The following GALNT16 variants were observed in gnomAD, a reference collection of about 807,000 sequenced individuals.
GALNT16 encodes the protein polypeptide N-acetylgalactosaminyltransferase 16.
GALNT16 carries 40 observed loss-of-function variants against 76.1 expected under a neutral mutation model. That is an observed-to-expected ratio of 0.53 (90% CI 0.41 to 0.68). GALNT16 has a LOEUF of 0.68. GALNT16 is among the 30% of genes least tolerant of loss of function. GALNT16 has a pLI of 0.00. For missense variants in GALNT16, 621 were observed against 731.9 expected (o/e 0.85, Z 1.75); for synonymous variants, 276 against 285.2 (o/e 0.97, Z 0.32).
chr14:69,360,784 C>G (rs1453849311), downstream of GALNT16, among the ~76,000 whole-genome samples: 1 of 152,256 alleles, frequency 6.6e-6, no homozygotes, highest in African/African-American at 2.4e-5. Context: ...CTGAGTTTAA[C>G]AAGCCTCTTG....
rs527823622 is a variant in GALNT16 at position 69,289,279 on chromosome 14, C to T, written c.177+28812C>T. 4.5e-4 allele frequency among the ~76,000 whole-genome samples: 68 copies of T among 152,268 alleles called. No individual in the cohort carries two copies. The South Asian group carries it at 0.013, about 30-fold the overall frequency. Reference sequence around the variant, plus strand: ...AGTCCATGTGGAAGTCATTATGTAACACTTGAACTTGTATGAGGCCCAGTG... The same window carrying T: ...AGTCCATGTGGAAGTCATTATGTAATACTTGAACTTGTATGAGGCCCAGTG... On this transcript the variant is annotated intron_variant, in intron 1 of 14. Transcript: ENST00000448469.
chr14:69,329,342 G>A (rs2045324756), intron 6 of GALNT16, among the ~76,000 whole-genome samples: 1 of 152,132 alleles, frequency 6.6e-6, no homozygotes, highest in African/African-American at 2.4e-5. Context: ...GGGCAACTGA[G>A]CGAGACTCCA....
At chr14:69,336,707 A>T (rs2045419355) in intron 9 of GALNT16, among the ~76,000 whole-genome samples, 1 of 149,422 alleles carries the variant, frequency 6.7e-6, no homozygotes, top group African/African-American at 2.5e-5. Context: ...TTTATTTTTT[A>T]TTTTTATTTT....
In GALNT16 at chr14:69,331,523, C is replaced by CCT; in HGVS notation, c.751_752dup (p.Ala252LeufsTer28). On this transcript the variant is annotated frameshift_variant, in exon 7 of 15. Coordinates refer to ENST00000448469, the MANE Select transcript of GALNT16 (RefSeq NM_001168368.2). LOFTEE classifies it high-confidence loss of function. ...TCATCAGTCTGGATAATTTTGCCTA[C>CCT]CTTGCAGCATCTGCTGACCTTCGTG... is the stretch of plus-strand genomic sequence containing the variant. 6.2e-7 allele frequency: 1 copy of CCT among 1,608,580 alleles called. No individual in the cohort carries two copies. The highest frequency in any genetic ancestry group is 8.5e-7 in the Non-Finnish European group (1 of 1,174,880).
the GALNT16 span, among the ~76,000 whole-genome samples, chr14:69,374,498 T>C: frequency 6.6e-6 from 1 of 152,172 alleles, no homozygotes; most frequent in Admixed American, 6.5e-5. Flanking sequence ...AAGCAGTATG[T>C]GTAGGATGTC....
chr14:69,260,267 A>G lies in GALNT16; in HGVS notation c.-24A>G. Reference sequence around the variant, plus strand: ...CGAGAGCACGCCGGCCCAGTCCCCCACCTGGGGCGCCCGTCTGCCCACCAT... The same window carrying G: ...CGAGAGCACGCCGGCCCAGTCCCCCGCCTGGGGCGCCCGTCTGCCCACCAT... On this transcript the variant is annotated 5_prime_UTR_variant, in exon 1 of 15. Transcript: ENST00000448469. 1.2e-6 allele frequency: 2 copies of G among 1,606,578 alleles called. No homozygotes were observed. The highest frequency in any genetic ancestry group is 1.7e-6 in the Non-Finnish European group (2 of 1,175,864).
intron 5 of GALNT16, 152 bp downstream of exon 5, chr14:69,326,179 C>T (rs1482245718): frequency 2.9e-6 from 2 of 692,598 alleles, no homozygotes; most frequent in Non-Finnish European, 5.2e-6. Context: ...AGACTCTCCT[C>T]CTTCCCAGAT....
intron 12 of GALNT16, among the ~76,000 whole-genome samples, chr14:69,343,836 A>T (rs751715631): frequency 6.6e-6 from 1 of 152,208 alleles, no homozygotes; most frequent in Non-Finnish European, 1.5e-5. Context: ...TCTCATAACT[A>T]TCAGAAACCT....
chr14:69,316,311 A>G (rs1184421540), intron 1 of GALNT16, among the ~76,000 whole-genome samples: 1 of 152,162 alleles, frequency 6.6e-6, no homozygotes, highest in African/African-American at 2.4e-5. Context: ...TTCAGTAGCT[A>G]TTGTTTTTGA....
At chr14:69,298,950 A>C (rs991118813) in intron 1 of GALNT16, among the ~76,000 whole-genome samples, 3 of 152,256 alleles carry the variant, frequency 2.0e-5, no homozygotes, top group African/African-American at 7.2e-5. Context: ...CCCAAGGCCG[A>C]GGCCTTGCAC....
chr14:69,361,202 A>G (rs1263188117), downstream of GALNT16, among the ~76,000 whole-genome samples: 1 of 152,228 alleles, frequency 6.6e-6, no homozygotes, highest in Non-Finnish European at 1.5e-5. Flanking sequence ...CGTGAGTTAC[A>G]TGGCAAAGCC....
rs1160588355 is a variant in GALNT16, at chr14:69,341,711, G to T, written c.1218G>T (p.Lys406Asn). The T allele has an allele frequency of 6.2e-7, 1 of 1,613,244 alleles. No homozygotes were observed. Among genetic ancestry groups the T allele is most frequent in the Non-Finnish European group, 8.5e-7 (1 of 1,179,474 alleles). ...SVATRIEQRK[K>N]MNCKSFRWYL... is the part of the protein sequence containing the mutation. ...CTACGCGGATAGAGCAGAGGAAGAA[G>T]ATGAACTGCAAGTCCTTCCGCTGGT... The change falls in exon 12 of 15, where the codon AAG (lysine) becomes AAT (asparagine). Residue 406 changes from lysine (K) to asparagine (N), a missense_variant. Transcript: ENST00000448469.
Position 69,261,620 on chromosome 14 carries a change from A to G in GALNT16, c.177+1153A>G, listed in dbSNP as rs2044274597. Among the ~76,000 whole-genome samples, 1 of 151,990 alleles carries G rather than the reference A, an allele frequency of 6.6e-6. No individual in the cohort carries two copies. The highest frequency in any genetic ancestry group is 6.6e-5 in the Admixed American group (1 of 15,264). The stretch of plus-strand genomic sequence containing the variant: ...TGAGGAGATCCGCGGGGGAGGTGCA[A>G]GGTCCGGAGGGCTGAGGCTTGTGTG... On this transcript the variant is annotated intron_variant, in intron 1 of 14. Coordinates refer to ENST00000448469, the MANE Select transcript of GALNT16 (RefSeq NM_001168368.2). The surrounding 1 kb of genome is among the most constrained non-coding windows in gnomAD (Gnocchi z 6.4).
At position 69,269,810 on chromosome 14, in the gene GALNT16, T is replaced by TGTGTGTGTG. The variant is rs556443351; in HGVS notation, c.177+9343_177+9344insGTGTGTGTG. Among the ~76,000 whole-genome samples the TGTGTGTGTG allele has an allele frequency of 6.5e-3, 941 of 144,570 alleles. 11 individuals are homozygous for TGTGTGTGTG. Among genetic ancestry groups the TGTGTGTGTG allele is most frequent in the African/African-American group, 0.025 (891 of 35,950 alleles). 94.8% of individuals were successfully genotyped at this position (144,570 alleles called of 152,430 possible). On this transcript the variant is annotated intron_variant, in intron 1 of 14. Transcript: ENST00000448469. The stretch of plus-strand genomic sequence containing the variant: ...TGTGTGTCTGTGTGCATTTGTGTGT[T>TGTGTGTGTG]TGTGTGTGTGTGTGTATGATGTATG...
intron 1 of GALNT16, among the ~76,000 whole-genome samples, chr14:69,270,632 G>A (rs987347617): frequency 3.9e-5 from 6 of 152,220 alleles, no homozygotes; most frequent in East Asian, 1.9e-4. Context: ...GGGGCAACCC[G>A]AGTTGCCTTC....
intron 1 of GALNT16, among the ~76,000 whole-genome samples, chr14:69,286,840 C>G (rs1254563105): frequency 6.6e-6 from 1 of 152,086 alleles, no homozygotes; most frequent in Non-Finnish European, 1.5e-5. Flanking sequence ...ACTCTTTCAA[C>G]TTCTCAGAAT....
chr14:69,278,086 A>G (rs186812375), intron 1 of GALNT16, among the ~76,000 whole-genome samples: 3 of 151,124 alleles, frequency 2.0e-5, no homozygotes, highest in Admixed American at 2.0e-4. Flanking sequence ...AAAGCTCACT[A>G]TAACCTCCAA....
chr14:69,358,820 T>G (rs915814314), downstream of GALNT16: 4 of 152,400 alleles, frequency 2.6e-5, no homozygotes, highest in Non-Finnish European at 4.4e-5. Flanking sequence ...ATCCAATGCC[T>G]GATGGCAGAC....
chr14:69,288,462 C>A lies in GALNT16; in HGVS notation c.177+27995C>A, dbSNP rs560929569. ...CTGCCAAACCTGACCCCCATTGACA[C>A]AGGAGGCCCATGTGAAACAGCGGCT... On this transcript the variant is annotated intron_variant, in intron 1 of 14. Coordinates refer to ENST00000448469, the MANE Select transcript of GALNT16 (RefSeq NM_001168368.2). 3.3e-5 allele frequency among the ~76,000 whole-genome samples: 5 copies of A among 152,314 alleles called. No homozygotes were observed. The East Asian group carries it at 9.6e-4, about 29-fold the overall frequency.
Sources: gnomAD v4.1 joint callset for allele counts (sites outside exome capture counted in the v4.1 genomes callset) on GRCh38, gnomAD v4.1.1 for gene constraint, Gnocchi (gnomAD v3.1) non-coding constraint, MANE v1.5 for transcripts, NCBI Gene and HGNC (gene_info 2026-07-23, HGNC 2026-07-21) for gene names.